The following RFC5 variants were observed in gnomAD, a reference collection of about 807,000 sequenced individuals.
The protein encoded by RFC5 is A1 36 kDa subunit.
A neutral mutation model predicts 44.3 loss-of-function variants in RFC5; 26 were observed. That is an observed-to-expected ratio of 0.59 (90% CI 0.43 to 0.81). The LOEUF is 0.81. Ranked by LOEUF, RFC5 falls within the 40% of genes least tolerant of loss-of-function variation. The pLI, the probability that RFC5 is intolerant of heterozygous loss-of-function variation, is 0.00. For missense variants in RFC5, 328 were observed against 418.6 expected, an observed-to-expected ratio of 0.78 and a Z score of 1.89; for synonymous variants, 155 against 155.2, an observed-to-expected ratio of 1.00 and a Z score of 0.01.
chr12:118,024,761 C>A, intron 5 of RFC5, 90 bp from the exon 6 acceptor site: 1 of 1,123,894 alleles, frequency 8.9e-7, no homozygotes, highest in African/African-American at 1.6e-5. Flanking sequence ...TTCCTATACC[C>A]TTGTGACCAC....
At chr12:118,028,890 G>T (rs1356800447) in intron 9 of RFC5, among the ~76,000 whole-genome samples, 1 of 152,174 alleles carries the variant, frequency 6.6e-6, no homozygotes, top group African/African-American at 2.4e-5. Context: ...AGCTCCCCAG[G>T]TGACTTGTGT....
In RFC5 at chr12:118,031,185, C is replaced by T. The variant is rs779280052; in HGVS notation, c.930C>T (p.Tyr310=). ...HLLTKMADIE[Y]RLSVGTNEKI... ...CCCTGTGTTTGGTTTCTGTTAGGTA[C>T]AGGCTTTCTGTTGGCACCAACGAGA... is the stretch of plus-strand genomic sequence containing the variant. The change falls in exon 11 of 11, where the codon TAC becomes TAT. Residue 310 remains tyrosine, a synonymous_variant. Coordinates refer to ENST00000454402, the MANE Select transcript of RFC5 (RefSeq NM_007370.7). 6.2e-7 allele frequency: 1 copy of T among 1,612,586 alleles called. No individual in the cohort carries two copies.
At chr12:118,029,945 C>G (rs967456433) in intron 10 of RFC5, 120 bp downstream of exon 10, 13 of 765,622 alleles carry the variant, frequency 1.7e-5, no homozygotes, top group Non-Finnish European at 2.8e-5. Context: ...ACGGTACAAT[C>G]TAGTCTGGTG....
chr12:118,020,555 A>C (rs2030413546), intron 3 of RFC5, among the ~76,000 whole-genome samples: 1 of 152,186 alleles, frequency 6.6e-6, no homozygotes. Flanking sequence ...GCTGCTACTA[A>C]TGTCCTTATT....
At chr12:118,017,806 A>T in intron 1 of RFC5, 1 of 673,146 alleles carries the variant, frequency 1.5e-6, no homozygotes, top group Non-Finnish European at 2.7e-6. Context: ...AAGAACTGGG[A>T]CTTTTAGAGG....
chr12:118,035,048 A>G (rs775928558), downstream of RFC5: 2 of 1,614,108 alleles, frequency 1.2e-6, no homozygotes, highest in South Asian at 2.2e-5. Context: ...TCATAGGAGC[A>G]AATGCAATGG....
the RFC5 span, among the ~76,000 whole-genome samples, chr12:118,039,592 C>CA: frequency 6.6e-6 from 1 of 151,778 alleles, no homozygotes. Flanking sequence ...AGGATGGCAA[C>CA]AGCAGGGAGG....
At chr12:118,021,140 G>T (rs1382303389) in intron 4 of RFC5, among the ~76,000 whole-genome samples, 155 bp downstream of exon 4, 1 of 152,094 alleles carries the variant, frequency 6.6e-6, no homozygotes, top group Non-Finnish European at 1.5e-5. Flanking sequence ...CGAGAGGGAT[G>T]GTAGTAAGAA....
chr12:118,018,237 G>T (rs1463655915), intron 1 of RFC5, among the ~76,000 whole-genome samples: 2 of 152,150 alleles, frequency 1.3e-5, no homozygotes, highest in Non-Finnish European at 2.9e-5. Context: ...AGTCTATTTG[G>T]GTAGGAGTTC....
chr12:118,035,240 C>A (rs1472614283), downstream of RFC5: 1 of 1,614,202 alleles, frequency 6.2e-7, no homozygotes, highest in South Asian at 1.1e-5. Flanking sequence ...TGGCAAGGTA[C>A]AAGCCTTCTG....
At chr12:118,020,094 C>A (rs1211132028) in intron 3 of RFC5, among the ~76,000 whole-genome samples, 1 of 152,208 alleles carries the variant, frequency 6.6e-6, no homozygotes, top group Non-Finnish European at 1.5e-5. Flanking sequence ...CCACCATATT[C>A]CTGCCTGGAA....
rs762407197 is a variant in RFC5 at position 118,017,794 on chromosome 12, C to T, written c.65+902C>T. On this transcript the variant is annotated intron_variant, in intron 1 of 10. Transcript: ENST00000454402. ...CAAGCCATTCTCCTGCCTCAGCCTC[C>T]GAAGAACTGGGACTTTTAGAGGCGA... 129 of 667,236 alleles carry T rather than the reference C, an allele frequency of 1.9e-4. 1 individual carries two copies. In the African/African-American group the frequency reaches 2.1e-3, roughly 11 times the overall value. The allele number at this position is 667,236 out of a possible 1,614,324, so 41.3% of individuals were successfully genotyped here.
chr12:118,034,687 G>A (rs191898027), downstream of RFC5: 95 of 494,234 alleles, frequency 1.9e-4, no homozygotes, highest in East Asian at 3.2e-3. Flanking sequence ...CTGTAAAGTG[G>A]TCTTTTAGCC....
chr12:118,032,309 A>C (rs1457396392), downstream of RFC5: 1 of 152,248 alleles, frequency 6.6e-6, no homozygotes, highest in Non-Finnish European at 1.5e-5. Context: ...TCACCCCCTT[A>C]AGGACAGCGG....
chr12:118,033,547 T>TAAAAAAAAAAAA (rs35299550), downstream of RFC5: 1 of 130,852 alleles, frequency 7.6e-6, no homozygotes. Flanking sequence ...ACACCATTGT[T>TAAAAAAAAAAAA]AAAAAAAAAA....
chr12:118,022,318 C>G lies in RFC5; in HGVS notation c.380C>G (p.Ala127Gly). The G allele has an allele frequency of 6.2e-7, 1 of 1,613,952 alleles. No homozygotes were observed. The highest frequency in any genetic ancestry group is 8.5e-7 in the Non-Finnish European group (1 of 1,179,834). Reference sequence around the variant, plus strand: ...TTTAAGCTAGTGATCTTGGATGAAGCAGACGCCATGACTCAGGACGCCCAG... The same window carrying G: ...TTTAAGCTAGTGATCTTGGATGAAGGAGACGCCATGACTCAGGACGCCCAG... ...KGFKLVILDE[A>G]DAMTQDAQNA... The change falls in exon 5 of 11, where the codon GCA (alanine) becomes GGA (glycine). Residue 127 changes from alanine (A) to glycine (G), a missense_variant. Transcript: ENST00000454402.
chr12:118,030,979 C>T (rs1404148765), intron 10 of RFC5, among the ~76,000 whole-genome samples: 2 of 152,170 alleles, frequency 1.3e-5, no homozygotes, highest in African/African-American at 4.8e-5. Flanking sequence ...AAGTTTGAAA[C>T]ATCACATTTA....
downstream of RFC5, chr12:118,034,038 A>T (rs1185959537): frequency 3.0e-5 from 29 of 961,092 alleles, no homozygotes; most frequent in East Asian, 7.0e-4. Context: ...AGAAAGATCC[A>T]TGACTAGTAC....
intron 5 of RFC5, among the ~76,000 whole-genome samples, chr12:118,024,065 A>G (rs958087698): frequency 4.0e-5 from 6 of 151,820 alleles, no homozygotes. Flanking sequence ...AAAATACAAA[A>G]ATTGGCCTGG....
Sources: allele counts gnomAD v4.1 joint callset (sites outside exome capture counted in the v4.1 genomes callset), GRCh38; gene constraint gnomAD v4.1.1; transcripts MANE v1.5; gene names NCBI Gene and HGNC (gene_info 2026-07-23, HGNC 2026-07-21).